Variants in THEM4 observed in about 807,000 individuals in gnomAD.
THEM4 encodes the protein acyl-coenzyme A thioesterase THEM4.
Under a neutral mutation model 25.0 loss-of-function variants are expected in THEM4, and 22 were observed. That is an observed-to-expected ratio of 0.88 (90% CI 0.63 to 1.26). The LOEUF (loss-of-function observed/expected upper bound fraction) is 1.26, where lower values mean the gene tolerates loss of function less well. Ranked by LOEUF, THEM4 falls within the 50% of genes most tolerant of loss-of-function variation. THEM4 has a pLI of 0.00. For missense variants in THEM4, 286 were observed against 300.3 expected (o/e 0.95, Z 0.35); for synonymous variants, 113 against 105.6 (o/e 1.07, Z -0.43).
chr1:151,905,186 AGG>A (rs1423076246), intron 1 of THEM4, among the ~76,000 whole-genome samples: 1 of 152,232 alleles, frequency 6.6e-6, no homozygotes, highest in East Asian at 1.9e-4. Flanking sequence ...CTGGGAGAAC[AGG>A]GTGGAGCCAC....
intron 1 of THEM4, among the ~76,000 whole-genome samples, chr1:151,896,192 C>A (rs948621226): frequency 6.6e-6 from 1 of 151,922 alleles, no homozygotes; most frequent in African/African-American, 2.4e-5. Context: ...TGAGGTTTCA[C>A]CATGTTGGAC....
intron 1 of THEM4, among the ~76,000 whole-genome samples, chr1:151,906,143 C>T (rs748938856): frequency 4.6e-5 from 7 of 152,340 alleles, no homozygotes; most frequent in South Asian, 2.1e-4. Context: ...GAGGGAGAGG[C>T]GCGAGCAGGA....
At chr1:151,887,567 A>G (rs1186740579) in intron 4 of THEM4, among the ~76,000 whole-genome samples, 1 of 152,166 alleles carries the variant, frequency 6.6e-6, no homozygotes, top group Non-Finnish European at 1.5e-5. Context: ...AATTAAAGAC[A>G]CAAATAAATG....
In THEM4 at chr1:151,873,662, G is replaced by A. The variant is rs1021265736; in HGVS notation, c.*1226C>T. The A allele has an allele frequency of 6.6e-6, 1 of 152,184 alleles. No individual in the cohort carries two copies. The highest frequency in any genetic ancestry group is 6.5e-5 in the Admixed American group (1 of 15,276). 9.4% of individuals were successfully genotyped at this position (152,184 alleles called of 1,614,324 possible). A position where few individuals can be genotyped will look rare whatever the true frequency, so the allele number is the denominator to read the frequency against. ...AAGTTAAAATGAGGTCATTCAGGTG[G>A]GTCCATTATGACTGGTTTCCTTATA... On this transcript the variant is annotated 3_prime_UTR_variant, in exon 6 of 6. Transcript: ENST00000368814.
At chr1:151,880,080 G>A (rs1163150677) in intron 4 of THEM4, among the ~76,000 whole-genome samples, 1 of 151,766 alleles carries the variant, frequency 6.6e-6, no homozygotes, top group African/African-American at 2.4e-5. Flanking sequence ...TTGAACCCCT[G>A]GACTAAAGCA....
intron 5 of THEM4, among the ~76,000 whole-genome samples, chr1:151,875,360 A>G (rs1164219835): frequency 7.0e-6 from 1 of 143,460 alleles, no homozygotes. Context: ...CATACTTAAG[A>G]GGAAAAATAA....
intron 4 of THEM4, among the ~76,000 whole-genome samples, chr1:151,885,629 T>C (rs1009978983): frequency 1.3e-5 from 2 of 152,252 alleles, no homozygotes; most frequent in Non-Finnish European, 2.9e-5. Flanking sequence ...CCATGTTGCA[T>C]GAAGAAATCG....
At position 151,895,262 on chromosome 1, in the gene THEM4, A is replaced by G; in HGVS notation, c.100-68T>C. ...ATTCTATTTCATAACATATTCTCCC[A>G]ATTTCTAAGATTATCTTGCTGCTTT... On this transcript the variant is annotated intron_variant, in intron 1 of 5. Coordinates refer to ENST00000368814, the MANE Select transcript of THEM4 (RefSeq NM_053055.5). 2.3e-6 allele frequency: 3 copies of G among 1,295,426 alleles called. No homozygotes were observed. In the South Asian group the frequency reaches 4.1e-5, roughly 18 times the overall value. 80.2% of individuals were successfully genotyped at this position (1,295,426 alleles called of 1,614,324 possible).
intron 2 of THEM4, among the ~76,000 whole-genome samples, chr1:151,893,646 A>G (rs1654146413): frequency 6.6e-6 from 1 of 152,188 alleles, no homozygotes; most frequent in South Asian, 2.1e-4. Flanking sequence ...AGGATATGTG[A>G]GGCAATGGGA....
intron 5 of THEM4, 49 bp from the exon 6 acceptor site, chr1:151,874,977 T>C (rs1406135816): frequency 7.4e-7 from 1 of 1,355,686 alleles, no homozygotes; most frequent in Non-Finnish European, 1.1e-6. Flanking sequence ...CTGACTTCAA[T>C]TTGATGGACT....
chr1:151,898,594 T>C lies in THEM4; in HGVS notation c.100-3400A>G, dbSNP rs546648407. ...CTCACCATACTGCTACAGCTGATGCTTTCTGGAAAGTGCCACCTCTTGGCA... is the reference window on the plus strand; with the variant it reads ...CTCACCATACTGCTACAGCTGATGCCTTCTGGAAAGTGCCACCTCTTGGCA... On this transcript the variant is annotated intron_variant, in intron 1 of 5. Coordinates refer to ENST00000368814, the MANE Select transcript of THEM4 (RefSeq NM_053055.5). Among the ~76,000 whole-genome samples the C allele has an allele frequency of 5.7e-4, 87 of 152,356 alleles. 2 individuals carry two copies. In the South Asian group the frequency reaches 0.017, roughly 30 times the overall value.
chr1:151,894,394 C>T (rs569576464), intron 2 of THEM4, among the ~76,000 whole-genome samples: 2 of 152,080 alleles, frequency 1.3e-5, no homozygotes, highest in East Asian at 3.9e-4. Context: ...AATATTGGCT[C>T]ATCAATTGTA....
chr1:151,899,650 G>A (rs924962486), intron 1 of THEM4, among the ~76,000 whole-genome samples: 3 of 152,150 alleles, frequency 2.0e-5, no homozygotes, highest in African/African-American at 7.2e-5. Context: ...CAAGAAGTCT[G>A]GGATTTTGTT....
In THEM4 at chr1:151,875,149, A is replaced by G. The variant is rs555032743; in HGVS notation, c.683-221T>C. ...GTAACCAGGTCCTCACCACTTGGCC[A>G]TTTCATGGTTCCTCACTACTTCCAT... is the stretch of plus-strand genomic sequence containing the variant. On this transcript the variant is annotated intron_variant, in intron 5 of 5. Transcript: ENST00000368814. 5.9e-5 allele frequency among the ~76,000 whole-genome samples: 9 copies of G among 152,312 alleles called. No individual in the cohort carries two copies. In the East Asian group the frequency reaches 1.3e-3, roughly 23 times the overall value.
chr1:151,894,034 T>C (rs1015157083), intron 2 of THEM4, among the ~76,000 whole-genome samples: 2 of 152,148 alleles, frequency 1.3e-5, no homozygotes, highest in Non-Finnish European at 2.9e-5. Context: ...TAATTTTTTT[T>C]GTATTTTTAG....
chr1:151,889,356 C>T lies in THEM4; in HGVS notation c.304G>A (p.Glu102Lys), dbSNP rs758736076. The change falls in exon 3 of 6, where the codon GAA becomes AAA. Residue 102 changes from glutamate (E) to lysine (K), a missense_variant. Physicochemically the swap from Glu to Lys is moderately conservative, Grantham distance 56. Transcript: ENST00000368814. ...THFLDPKLMK[E>K]EQMSQAQLFT... ...AGCTGGGCCTGTGACATTTGTTCTTCTTTCATAAGCTTTGGGTCTATAGAA... is the reference window on the plus strand; with the variant it reads ...AGCTGGGCCTGTGACATTTGTTCTTTTTTCATAAGCTTTGGGTCTATAGAA... The T allele has an allele frequency of 1.2e-6, 2 of 1,613,624 alleles. No homozygotes were observed. Among genetic ancestry groups the T allele is most frequent in the East Asian group, 2.2e-5 (1 of 44,888 alleles).
chr1:151,887,502 T>C (rs1653998675), intron 4 of THEM4, among the ~76,000 whole-genome samples: 2 of 151,708 alleles, frequency 1.3e-5, no homozygotes, highest in African/African-American at 2.4e-5. Context: ...AGGAATAAAC[T>C]TAACCAAAGA....
At position 151,874,646 on chromosome 1, in the gene THEM4, A is replaced by C. The variant is rs1476854741; in HGVS notation, c.*242T>G. 5.3e-6 allele frequency: 3 copies of C among 570,830 alleles called. No individual in the cohort carries two copies. The highest frequency in any genetic ancestry group is 1.9e-5 in the African/African-American group (1 of 52,890). 35.4% of individuals were successfully genotyped at this position (570,830 alleles called of 1,614,324 possible). A position where few individuals can be genotyped will look rare whatever the true frequency, so the allele number is the denominator to read the frequency against. ...TGCCTCGGCCTCCTAAAGTGCTGGG[A>C]TTATAGGTGTGAGCCACAGCGCCTG... On this transcript the variant is annotated 3_prime_UTR_variant, in exon 6 of 6. Transcript: ENST00000368814.
At chr1:151,894,700 A>C (rs755948612) in intron 2 of THEM4, 1 of 535,778 alleles carries the variant, frequency 1.9e-6, no homozygotes, top group Non-Finnish European at 3.3e-6. Context: ...AAATGAGATT[A>C]GATGACAGCC....
Sources: allele counts gnomAD v4.1 joint callset (sites outside exome capture counted in the v4.1 genomes callset), GRCh38; gene constraint gnomAD v4.1.1; transcripts MANE v1.5; gene names NCBI Gene and HGNC (gene_info 2026-07-23, HGNC 2026-07-21).